EHMT1: variants seen among roughly 807,000 people sequenced by gnomAD.
The protein encoded by EHMT1 is euchromatic histone lysine methyltransferase 1.
In EHMT1, 15 loss-of-function variants were observed where a neutral mutation model predicts 147.2. The observed-to-expected ratio is 0.10, with a 90% CI of 0.07 to 0.16. EHMT1 has a LOEUF of 0.16. EHMT1 is among the 10% of genes least tolerant of loss of function. EHMT1 has a pLI of 1.00. For missense variants in EHMT1, 1,587 were observed against 1,772.4 expected (o/e 0.90, Z 1.88); for synonymous variants, 795 against 709.6 (o/e 1.12, Z -1.91).
At position 137,828,021 on chromosome 9, in the gene EHMT1, C is replaced by T. The variant is rs776601525; in HGVS notation, c.3541-6328C>T. Among the ~76,000 whole-genome samples, 2 of 152,168 alleles carry T rather than the reference C, an allele frequency of 1.3e-5. No homozygotes were observed. Among genetic ancestry groups the T allele is most frequent in the African/African-American group, 2.4e-5 (1 of 41,446 alleles). ...GTGTGAAGGGGCTCCTTGTGCCAGC[C>T]GACAGGGTGCGACGGGGTGGTCGGC... On this transcript the variant is annotated intron_variant, in intron 25 of 26. Coordinates refer to ENST00000460843, the MANE Select transcript of EHMT1 (RefSeq NM_024757.5). The surrounding 1 kb of genome is among the most constrained non-coding windows in gnomAD (Gnocchi z 5.3).
At chr9:137,721,008 C>T (rs1436101145) in intron 3 of EHMT1, among the ~76,000 whole-genome samples, 1 of 136,570 alleles carries the variant, frequency 7.3e-6, no homozygotes, top group East Asian at 2.0e-4. Flanking sequence ...CTCCCCTCCT[C>T]GCCGGCGTCC....
intron 23 of EHMT1, chr9:137,817,094 G>A (rs1046845529): frequency 1.9e-5 from 7 of 363,262 alleles, no homozygotes; most frequent in South Asian, 7.1e-5. Flanking sequence ...CCACAGCCTG[G>A]TCCAGCTATA....
At chr9:137,769,058 C>G (rs988790206) in intron 10 of EHMT1, among the ~76,000 whole-genome samples, 18 of 152,100 alleles carry the variant, frequency 1.2e-4, no homozygotes, top group Non-Finnish European at 1.8e-4. Context: ...ATTATTTGAA[C>G]TTTTTTCTAA....
intron 22 of EHMT1, chr9:137,815,708 C>T (rs1321845657): frequency 3.7e-6 from 2 of 536,774 alleles, no homozygotes; most frequent in African/African-American, 3.8e-5. Flanking sequence ...TGGCCCCAGG[C>T]TGGGCCTAGG....
intron 21 of EHMT1, 79 bp from the exon 22 acceptor site, chr9:137,814,352 G>A: frequency 1.4e-6 from 2 of 1,468,112 alleles, no homozygotes; most frequent in Non-Finnish European, 1.9e-6. Context: ...TAACAGAACT[G>A]GAAGACGTAG....
rs576534917 is a variant in EHMT1 at position 137,824,897 on chromosome 9, G to A, written c.3540+6759G>A. 5.3e-5 allele frequency among the ~76,000 whole-genome samples: 8 copies of A among 152,266 alleles called. No homozygotes were observed. In the South Asian group the frequency reaches 1.7e-3, roughly 32 times the overall value. On this transcript the variant is annotated intron_variant, in intron 25 of 26. Transcript: ENST00000460843. ...TAGGCTTGTCTGCACATGTGGTCACGTCATGTGTGAGTAAAGACAGTTTTT... is the reference window on the plus strand; with the variant it reads ...TAGGCTTGTCTGCACATGTGGTCACATCATGTGTGAGTAAAGACAGTTTTT...
chr9:137,658,790 T>A lies in EHMT1; in HGVS notation c.21+39741T>A, dbSNP rs546265344. Among the ~76,000 whole-genome samples the A allele has an allele frequency of 3.3e-5, 5 of 152,106 alleles. No homozygotes were observed. In the South Asian group the frequency reaches 8.3e-4, roughly 25 times the overall value. ...ACCATACCTGGCTATTTTTAAAAAATTATGTGTGTGTGTTTGTAGAAACAA... is the reference window on the plus strand; with the variant it reads ...ACCATACCTGGCTATTTTTAAAAAAATATGTGTGTGTGTTTGTAGAAACAA... On this transcript the variant is annotated intron_variant, in intron 1 of 26. Coordinates refer to ENST00000460843, the MANE Select transcript of EHMT1 (RefSeq NM_024757.5).
At chr9:137,825,357 C>CTT (rs1472933258) in intron 25 of EHMT1, among the ~76,000 whole-genome samples, 1 of 152,230 alleles carries the variant, frequency 6.6e-6, no homozygotes, top group East Asian at 1.9e-4. Flanking sequence ...GCCACGCTGA[C>CTT]TTGCTTCCTG....
chr9:137,815,601 C>G (rs565232803), intron 22 of EHMT1: 1 of 376,660 alleles, frequency 2.7e-6, no homozygotes, highest in Non-Finnish European at 5.1e-6. Flanking sequence ...GAGGCCCCAA[C>G]CAGCTGAAGA....
chr9:137,762,846 G>A (rs1949935367), intron 10 of EHMT1, 26 bp downstream of exon 10: 1 of 1,613,348 alleles, frequency 6.2e-7, no homozygotes, highest in Non-Finnish European at 8.5e-7. Flanking sequence ...TTCATTTAAA[G>A]CAGCCACGAG....
At chr9:137,755,145 C>G (rs1335074821) in intron 8 of EHMT1, among the ~76,000 whole-genome samples, 2 of 152,290 alleles carry the variant, frequency 1.3e-5, no homozygotes, top group Middle Eastern at 3.4e-3. Flanking sequence ...TTTTAACATG[C>G]TTATGACCTT....
chr9:137,795,891 A>T (rs574699008), intron 16 of EHMT1, among the ~76,000 whole-genome samples: 1 of 152,360 alleles, frequency 6.6e-6, no homozygotes, highest in East Asian at 1.9e-4. Flanking sequence ...AGGAAAAAAA[A>T]ACTAGTAGAG....
In EHMT1 at chr9:137,776,738, A is replaced by G; in HGVS notation, c.1912A>G (p.Lys638Glu). 6.2e-7 allele frequency: 1 copy of G among 1,614,090 alleles called. No homozygotes were observed. The highest frequency in any genetic ancestry group is 8.5e-7 in the Non-Finnish European group (1 of 1,180,028). Residue 638 changes from lysine (K) to glutamate (E), a missense_variant, in exon 12 of 27, where the codon AAA (lysine) becomes GAA (glutamate). This residue lies in a region of EHMT1 where 124 missense variants were observed against 197.8 expected (regional missense o/e 0.63). Coordinates refer to ENST00000460843, the MANE Select transcript of EHMT1 (RefSeq NM_024757.5). This position sits in a 1 kb window ranked among gnomAD's most constrained non-coding sequence, Gnocchi z 4.4. ...PHCGEESSKA[K>E]EVTIAKADTT... The stretch of plus-strand genomic sequence containing the variant: ...CTGTGGGGAGGAGAGCTCCAAGGCC[A>G]AAGAGGTGACGATAGCTAAAGCAGA...
chr9:137,802,749 G>T, intron 18 of EHMT1: 2 of 1,164,692 alleles, frequency 1.7e-6, no homozygotes, highest in South Asian at 8.8e-5. Flanking sequence ...TCTCTGGAGT[G>T]ACTGGTCCTG....
In EHMT1 at chr9:137,711,011, A is replaced by T; in HGVS notation, c.66A>T (p.Lys22Asn). The T allele has an allele frequency of 6.3e-7, 1 of 1,596,902 alleles. No homozygotes were observed. The highest frequency in any genetic ancestry group is 8.5e-7 in the Non-Finnish European group (1 of 1,172,402). Residue 22 changes from lysine to asparagine, a missense_variant, in exon 2 of 27, where the codon AAA (lysine) becomes AAT (asparagine). By Grantham distance (94) the Lys-to-Asn change is moderately conservative (BLOSUM62 0). Coordinates refer to ENST00000460843, the MANE Select transcript of EHMT1 (RefSeq NM_024757.5). ...RGEPQQDCCV[K>N]TELLGEETPM... ...AGCCTCAGCAGGATTGCTGTGTGAA[A>T]ACCGAGCTGCTGGGAGAAGGTGAGG...
At chr9:137,696,715 T>C (rs1401175349) in intron 1 of EHMT1, among the ~76,000 whole-genome samples, 2 of 152,180 alleles carry the variant, frequency 1.3e-5, no homozygotes, top group Non-Finnish European at 2.9e-5. Flanking sequence ...TTTCCTTCCA[T>C]TTTCTTCATG....
At chr9:137,818,168 C>T (rs774549048) in intron 25 of EHMT1, 30 bp downstream of exon 25, 1 of 1,610,416 alleles carries the variant, frequency 6.2e-7, no homozygotes, top group African/African-American at 1.3e-5. Context: ...TGGGGCCACG[C>T]AGAACTTGTG....
intron 1 of EHMT1, among the ~76,000 whole-genome samples, chr9:137,673,193 G>A (rs1227952786): frequency 6.6e-6 from 1 of 152,152 alleles, no homozygotes; most frequent in East Asian, 1.9e-4. Flanking sequence ...GAACCTCCCA[G>A]CAGGTGTTTA....
chr9:137,799,168 G>A (rs900434589), intron 17 of EHMT1, among the ~76,000 whole-genome samples: 2 of 130,164 alleles, frequency 1.5e-5, no homozygotes, highest in East Asian at 2.1e-4. Context: ...GACCCTCCAC[G>A]GCATCGCCTT....
Sources: gnomAD v4.1 joint callset for allele counts (sites outside exome capture counted in the v4.1 genomes callset) on GRCh38, gnomAD v4.1.1 for gene constraint, gnomAD v4.1.1 regional missense constraint, Gnocchi (gnomAD v3.1) non-coding constraint, MANE v1.5 for transcripts, NCBI Gene and HGNC (gene_info 2026-07-23, HGNC 2026-07-21) for gene names.